ADGRE2: variants seen among roughly 807,000 people sequenced by gnomAD.
The protein encoded by ADGRE2 is adhesion G protein-coupled receptor E2.
Under a neutral mutation model 100.8 loss-of-function variants are expected in ADGRE2, and 83 were observed. The ratio of observed to expected loss-of-function variants is 0.82; its 90% CI spans 0.69 to 0.99. The LOEUF (loss-of-function observed/expected upper bound fraction) is 0.99. Ranked by LOEUF, ADGRE2 falls within the 50% of genes least tolerant of loss-of-function variation. ADGRE2 has a pLI of 0.00. For missense variants in ADGRE2, 814 were observed against 1,035.7 expected (o/e 0.79, Z 2.94); for synonymous variants, 355 against 413.0 (o/e 0.86, Z 1.70).
At chr19:14,778,200 G>C (rs1263044257) in intron 1 of ADGRE2, 57 bp downstream of exon 1, 1 of 152,214 alleles carries the variant, frequency 6.6e-6, no homozygotes, top group East Asian at 1.9e-4. Flanking sequence ...TCAGGAGTTT[G>C]AGACCAGCCT....
At chr19:14,771,927 C>G (rs2044227045) in intron 5 of ADGRE2, 1 of 172,852 alleles carries the variant, frequency 5.8e-6, no homozygotes, top group Non-Finnish European at 1.1e-5. Flanking sequence ...TGCATAATAA[C>G]GTTTAAAGAA....
intron 14 of ADGRE2, among the ~76,000 whole-genome samples, chr19:14,752,881 C>T (rs924587550): frequency 1.3e-5 from 2 of 151,942 alleles, no homozygotes; most frequent in African/African-American, 4.8e-5. Flanking sequence ...AAGCGATTCT[C>T]GTGTCTCAGC....
intron 14 of ADGRE2, 44 bp from the exon 15 acceptor site, chr19:14,752,570 C>G: frequency 6.3e-7 from 1 of 1,597,948 alleles, no homozygotes; most frequent in Non-Finnish European, 8.5e-7. Flanking sequence ...CTTTCCTGCT[C>G]TGGGGTAATG....
At chr19:14,771,061 G>A (rs2044189257) in intron 5 of ADGRE2, among the ~76,000 whole-genome samples, 1 of 152,000 alleles carries the variant, frequency 6.6e-6, no homozygotes, top group East Asian at 1.9e-4. Context: ...CTGTTCACAG[G>A]GGACCCCTGT....
chr19:14,752,021 C>T (rs1285268995), intron 15 of ADGRE2, among the ~76,000 whole-genome samples: 2 of 151,554 alleles, frequency 1.3e-5, no homozygotes, highest in African/African-American at 2.4e-5. Context: ...ACAACCTCCA[C>T]CTCCTGGGTT....
chr19:14,736,367 T>C (rs535817300), intron 20 of ADGRE2, 123 bp from the exon 21 acceptor site: 9 of 594,104 alleles, frequency 1.5e-5, no homozygotes, highest in African/African-American at 3.8e-5. Context: ...GTTCAAGCAA[T>C]TCTCCTGTCT....
chr19:14,758,609 G>A (rs1040214326), intron 11 of ADGRE2, among the ~76,000 whole-genome samples: 3 of 152,214 alleles, frequency 2.0e-5, no homozygotes, highest in South Asian at 2.1e-4. Context: ...CTCTGGCTGG[G>A]CGCAGTGGCT....
Position 14,772,349 on chromosome 19 carries a change from C to G in ADGRE2, c.348G>C (p.Thr116=), listed in dbSNP as rs768548704. The change falls in exon 5 of 21, where the codon ACG becomes ACC. Residue 116 remains threonine (T), a synonymous_variant. Transcript: ENST00000315576. ...ATGTGGGGTGGTTCTTACCTTGACACGTGTTCTCGCTCTCATTCTTGAATG... is the reference window on the plus strand; with the variant it reads ...ATGTGGGGTGGTTCTTACCTTGACAGGTGTTCTCGCTCTCATTCTTGAATG... ...AKTFKNESEN[T]CQDVDECQQN... is the part of the protein sequence containing the mutation. The G allele has an allele frequency of 5.6e-6, 9 of 1,614,004 alleles. No homozygotes were observed. The highest frequency in any genetic ancestry group is 1.1e-5 in the South Asian group (1 of 91,088).
intron 12 of ADGRE2, 70 bp downstream of exon 12, chr19:14,756,168 T>C (rs1360990562): frequency 1.7e-6 from 2 of 1,197,622 alleles, no homozygotes; most frequent in Non-Finnish European, 2.5e-6. Context: ...AAATTTCTTA[T>C]TTTTCACATT....
At position 14,751,352 on chromosome 19, in the gene ADGRE2, A is replaced by G. The variant is rs934516579; in HGVS notation, c.2024+84T>C. 9.6e-6 allele frequency: 9 copies of G among 941,464 alleles called. No individual in the cohort carries two copies. In the South Asian group the frequency reaches 1.1e-4, roughly 12 times the overall value. The allele number at this position is 941,464 out of a possible 1,614,324, so 58.3% of individuals were successfully genotyped here. On this transcript the variant is annotated intron_variant, in intron 16 of 20. Coordinates refer to ENST00000315576, the MANE Select transcript of ADGRE2 (RefSeq NM_013447.4). The stretch of plus-strand genomic sequence containing the variant: ...AATCCCTACTGATCTAATTAAAAGC[A>G]GGTGTCATAAAAATGCTATCTAGGT...
At chr19:14,759,505 T>TATATATATATATATATATATA (rs60321111) in intron 11 of ADGRE2, among the ~76,000 whole-genome samples, 13 of 61,394 alleles carry the variant, frequency 2.1e-4, no homozygotes, top group African/African-American at 7.9e-4. Flanking sequence ...ATATATATAT[T>TATATATATATATATATATATA]TTTTTTTTTT....
intron 17 of ADGRE2, 52 bp from the exon 18 acceptor site, chr19:14,746,375 C>A: frequency 7.7e-6 from 6 of 777,272 alleles, no homozygotes; most frequent in Non-Finnish European, 1.2e-5. Context: ...CCTGTTATCT[C>A]TTTTTTTTTT....
the ADGRE2 span, among the ~76,000 whole-genome samples, chr19:14,727,193 A>C: frequency 1.3e-5 from 2 of 151,832 alleles, no homozygotes; most frequent in Non-Finnish European, 2.9e-5. Flanking sequence ...ACGCCTGGCT[A>C]ATTTTTTTGT....
chr19:14,733,962 C>T lies in ADGRE2; in HGVS notation c.*2274G>A, dbSNP rs759772449. 5 of 152,158 alleles carry T rather than the reference C, an allele frequency of 3.3e-5. No homozygotes were observed. The highest frequency in any genetic ancestry group is 9.7e-5 in the African/African-American group (4 of 41,410). 9.4% of individuals were successfully genotyped at this position (152,158 alleles called of 1,614,324 possible). A position where few individuals can be genotyped will look rare whatever the true frequency, so the allele number is the denominator to read the frequency against. On this transcript the variant is annotated 3_prime_UTR_variant, in exon 21 of 21. Coordinates refer to ENST00000315576, the MANE Select transcript of ADGRE2 (RefSeq NM_013447.4). ...TAAATCAATACTCATTGAGCTTATA[C>T]GGACAGGCACAGAGCAGTGAAAAAT...
chr19:14,738,671 C>A (rs1420239805), intron 20 of ADGRE2, among the ~76,000 whole-genome samples: 1 of 152,000 alleles, frequency 6.6e-6, no homozygotes, highest in East Asian at 1.9e-4. Context: ...AGCCACTGCG[C>A]CCAGCCTGAA....
intron 20 of ADGRE2, 98 bp downstream of exon 20, chr19:14,743,322 G>T: frequency 2.2e-6 from 2 of 902,670 alleles, no homozygotes; most frequent in Non-Finnish European, 3.7e-6. Flanking sequence ...CCTTTCTAGG[G>T]CATTGCCTGC....
At chr19:14,736,865 T>G (rs62122592) in intron 20 of ADGRE2, among the ~76,000 whole-genome samples, 14,505 of 117,098 alleles carry the variant, frequency 0.12, 932 homozygotes, top group East Asian at 0.17. Flanking sequence ...ATATAGATAT[T>G]TAATATCTAT....
In ADGRE2 at chr19:14,756,286, C is replaced by T. The variant is rs767753918; in HGVS notation, c.1144G>A (p.Ala382Thr). 5 of 1,614,156 alleles carry T rather than the reference C, an allele frequency of 3.1e-6. No individual in the cohort carries two copies. In the Middle Eastern group the frequency reaches 4.9e-4, roughly 160 times the overall value. The change falls in exon 12 of 21, where the codon GCA becomes ACA. Residue 382 changes from alanine (A) to threonine (T), a missense_variant. Coordinates refer to ENST00000315576, the MANE Select transcript of ADGRE2 (RefSeq NM_013447.4). The part of the protein sequence containing the change: ...DRSVTLRQNQ[A>T]VMQLDWNQAQ... ...TGATTCCAGTCGAGCTGCATCACTGCCTGATTCTGTCTCAAGGTGACACTC... is the reference window on the plus strand; with the variant it reads ...TGATTCCAGTCGAGCTGCATCACTGTCTGATTCTGTCTCAAGGTGACACTC...
intron 5 of ADGRE2, among the ~76,000 whole-genome samples, chr19:14,767,938 A>G (rs2044053591): frequency 6.6e-6 from 1 of 152,252 alleles, no homozygotes; most frequent in Non-Finnish European, 1.5e-5. Flanking sequence ...TGCAGTCAGC[A>G]GCCTATGCAA....
Sources: gnomAD v4.1 joint callset for allele counts (sites outside exome capture counted in the v4.1 genomes callset) on GRCh38, gnomAD v4.1.1 for gene constraint, MANE v1.5 for transcripts, NCBI Gene and HGNC (gene_info 2026-07-23, HGNC 2026-07-21) for gene names.